The following FILIP1L variants were observed in gnomAD, a reference collection of about 807,000 sequenced individuals.
FILIP1L encodes the protein filamin A-interacting protein 1-like.
Under a neutral mutation model 96.6 loss-of-function variants are expected in FILIP1L, and 55 were observed. The ratio of observed to expected loss-of-function variants is 0.57; its 90% CI spans 0.46 to 0.71. FILIP1L has a LOEUF of 0.71. Among genes scored for constraint, FILIP1L ranks in the 30% least tolerant of loss-of-function variants. The probability of loss-of-function intolerance (pLI) is 0.00; values close to 1 mark genes in which losing one functional copy is unlikely to be tolerated. For missense variants in FILIP1L, 1,304 were observed against 1,321.2 expected (o/e 0.99, Z 0.20); for synonymous variants, 467 against 473.9 (o/e 0.99, Z 0.19).
chr3:99,872,269 C>CTCTGTGTGTG (rs1457646701), intron 4 of FILIP1L, among the ~76,000 whole-genome samples: 1 of 110,740 alleles, frequency 9.0e-6, no homozygotes, highest in Non-Finnish European at 1.9e-5. Flanking sequence ...TGTGCCAGGA[C>CTCTGTGTGTG]TGTGTGTGTG....
At chr3:100,058,684 C>T (rs2065507667) in intron 1 of FILIP1L, among the ~76,000 whole-genome samples, 1 of 152,184 alleles carries the variant, frequency 6.6e-6, no homozygotes, top group African/African-American at 2.4e-5. Flanking sequence ...CCCTCAAACC[C>T]AGAAGCATCA....
chr3:99,895,468 G>C (rs1706221428), intron 4 of FILIP1L, among the ~76,000 whole-genome samples: 1 of 151,404 alleles, frequency 6.6e-6, no homozygotes, highest in South Asian at 2.1e-4. Context: ...TTCCGCTCAT[G>C]GGCAAGAGCT....
chr3:100,108,341 TAAC>T (rs2066428595), intron 1 of FILIP1L, among the ~76,000 whole-genome samples: 2 of 152,286 alleles, frequency 1.3e-5, no homozygotes, highest in Admixed American at 6.5e-5. Flanking sequence ...ATAATGATAA[TAAC>T]AGCCTCTCAT....
intron 4 of FILIP1L, among the ~76,000 whole-genome samples, chr3:99,899,240 T>G (rs1706358882): frequency 6.6e-6 from 1 of 152,236 alleles, no homozygotes; most frequent in Non-Finnish European, 1.5e-5. Context: ...GTCTGCTCAG[T>G]TTTATTTTGA....
chr3:99,888,588 TAGAG>T lies in FILIP1L; in HGVS notation c.605+35638_605+35641del, dbSNP rs544899437. Among the ~76,000 whole-genome samples, 11 of 152,288 alleles carry T rather than the reference TAGAG, an allele frequency of 7.2e-5. No individual in the cohort carries two copies. In the East Asian group the frequency reaches 1.9e-3, roughly 27 times the overall value. ...TGCCTGTTTGATCCATCACTGAAAATAGAGAGAGGCTCTTTATGTTTTAGGTACA... is the reference window on the plus strand; with the variant it reads ...TGCCTGTTTGATCCATCACTGAAAATAGAGGCTCTTTATGTTTTAGGTACA... On this transcript the variant is annotated intron_variant, in intron 4 of 5. Transcript: ENST00000477258.
chr3:99,831,000 C>T (rs564053979), intron 5 of FILIP1L, among the ~76,000 whole-genome samples: 1 of 152,286 alleles, frequency 6.6e-6, no homozygotes, highest in Admixed American at 6.5e-5. Flanking sequence ...CTTGGGCCTT[C>T]AGACTTTTAA....
At chr3:100,018,033 G>A (rs1040646565) in intron 1 of FILIP1L, among the ~76,000 whole-genome samples, 1 of 151,872 alleles carries the variant, frequency 6.6e-6, no homozygotes, top group Non-Finnish European at 1.5e-5. Context: ...TGACCAATAT[G>A]TATAAAAGGT....
chr3:99,847,291 A>C (rs1943408268), intron 5 of FILIP1L, among the ~76,000 whole-genome samples: 1 of 151,936 alleles, frequency 6.6e-6, no homozygotes, highest in Non-Finnish European at 1.5e-5. Context: ...ACCTACATTA[A>C]GTAATTCAAA....
At chr3:99,989,231 A>T (rs1374505128) in intron 1 of FILIP1L, among the ~76,000 whole-genome samples, 1 of 152,204 alleles carries the variant, frequency 6.6e-6, no homozygotes, top group Non-Finnish European at 1.5e-5. Flanking sequence ...TCACAAAGCC[A>T]ACCTCTGTTC....
At chr3:100,021,017 G>A (rs1286500783) in intron 1 of FILIP1L, among the ~76,000 whole-genome samples, 3 of 152,080 alleles carry the variant, frequency 2.0e-5, no homozygotes, top group Non-Finnish European at 4.4e-5. Context: ...TGCCCGCCTT[G>A]GCCTCGCAAA....
chr3:99,837,027 A>G (rs1351070685), intron 5 of FILIP1L, among the ~76,000 whole-genome samples: 1 of 152,242 alleles, frequency 6.6e-6, no homozygotes, highest in African/African-American at 2.4e-5. Flanking sequence ...AATAGTAATA[A>G]TCGTCCATTG....
chr3:100,044,180 C>T (rs78217579), intron 1 of FILIP1L, among the ~76,000 whole-genome samples: 106 of 152,310 alleles, frequency 7.0e-4, no homozygotes, highest in Admixed American at 1.6e-3. Context: ...TTACTTGCCT[C>T]GTTTATTCAT....
At chr3:100,052,861 A>T (rs879918401) in intron 1 of FILIP1L, among the ~76,000 whole-genome samples, 25 of 152,212 alleles carry the variant, frequency 1.6e-4, no homozygotes, top group Non-Finnish European at 3.2e-4. Context: ...ATATGTAAAT[A>T]TCCTTAAGTG....
chr3:100,062,239 G>A lies in FILIP1L; in HGVS notation c.-11+51814C>T, dbSNP rs557873570. ...CCATTCTCCTGCCTCAGCTGCCCGA[G>A]TAGCTGGGACTACAGGCGCTCGCCA... On this transcript the variant is annotated intron_variant, in intron 1 of 5. Coordinates refer to ENST00000477258, the MANE Select transcript of FILIP1L (RefSeq NM_001387850.1). Among the ~76,000 whole-genome samples the A allele has an allele frequency of 7.9e-5, 12 of 151,146 alleles. No individual in the cohort carries two copies. The South Asian group carries it at 2.1e-3, about 26-fold the overall frequency.
At chr3:99,979,320 C>T (rs1709054819) in intron 1 of FILIP1L, among the ~76,000 whole-genome samples, 1 of 152,044 alleles carries the variant, frequency 6.6e-6, no homozygotes, top group Non-Finnish European at 1.5e-5. Context: ...TTTTGGGAAA[C>T]ACTAAAAAGA....
At chr3:100,002,808 C>T (rs1709881099) in intron 1 of FILIP1L, among the ~76,000 whole-genome samples, 1 of 152,164 alleles carries the variant, frequency 6.6e-6, no homozygotes, top group Non-Finnish European at 1.5e-5. Context: ...ATACATCCCA[C>T]CCCTATGACT....
intron 1 of FILIP1L, among the ~76,000 whole-genome samples, chr3:100,065,361 T>C (rs2065646124): frequency 6.6e-6 from 1 of 152,184 alleles, no homozygotes; most frequent in Admixed American, 6.5e-5. Flanking sequence ...GGCATTATTA[T>C]CCACTCACAG....
At chr3:100,066,635 C>T (rs1370975681) in intron 1 of FILIP1L, among the ~76,000 whole-genome samples, 1 of 107,732 alleles carries the variant, frequency 9.3e-6, no homozygotes, top group East Asian at 2.7e-4. Flanking sequence ...GGGTTCACGC[C>T]ATTCTCCTGC....
chr3:100,093,625 A>G (rs1053441332), intron 1 of FILIP1L, among the ~76,000 whole-genome samples: 2 of 152,178 alleles, frequency 1.3e-5, no homozygotes, highest in Non-Finnish European at 2.9e-5. Flanking sequence ...GTATATTTAC[A>G]TTGATACAGC....
Sources: allele counts gnomAD v4.1 joint callset (sites outside exome capture counted in the v4.1 genomes callset), GRCh38; gene constraint gnomAD v4.1.1; transcripts MANE v1.5; gene names NCBI Gene and HGNC (gene_info 2026-07-23, HGNC 2026-07-21).